Variants in ZC4H2 observed in about 807,000 individuals in gnomAD.
The protein encoded by ZC4H2 is zinc finger C4H2 domain-containing protein.
For missense variants in ZC4H2, 137 were observed against 173.9 expected (o/e 0.79, Z 1.19); for synonymous variants, 84 against 66.3 (o/e 1.27, Z -1.30).
chrX:64,920,649 T>C (rs1355150775), intron 2 of ZC4H2, among the ~76,000 whole-genome samples: 1 of 112,388 alleles, frequency 8.9e-6, no homozygotes, highest in Non-Finnish European at 1.9e-5. Context: ...AAAGGGACTT[T>C]CCTGGGGAAA....
chrX:64,920,085 A>C lies in ZC4H2; in HGVS notation c.394T>G (p.Leu132Val). ...GACTGGGGGCAGGTAGCTTACTCCA[A>C]GGAAAGCTTCTCCTCTTCTTCACAC... ...DLCEEEEKLS[L>V]DYFEKQKAEW... Residue 132 changes from leucine (L) to valine (V), a missense_variant, in exon 3 of 5, where the codon TTG becomes GTG. Physicochemically the swap from Leu to Val is conservative, Grantham distance 32. Coordinates refer to ENST00000374839, the MANE Select transcript of ZC4H2 (RefSeq NM_018684.4). The C allele has an allele frequency of 8.3e-7, 1 of 1,209,435 alleles. No individual in the cohort carries two copies. The highest frequency in any genetic ancestry group is 1.1e-6 in the Non-Finnish European group (1 of 894,670).
At chrX:64,939,879 C>G (rs1930187758) in intron 1 of ZC4H2, among the ~76,000 whole-genome samples, 1 of 111,625 alleles carries the variant, frequency 9.0e-6, no homozygotes, top group Non-Finnish European at 1.9e-5. Flanking sequence ...TGGGCACAGA[C>G]TTCATGTCCA....
At chrX:64,996,007 T>C (rs1932406550) in intron 1 of ZC4H2, among the ~76,000 whole-genome samples, 1 of 111,246 alleles carries the variant, frequency 9.0e-6, no homozygotes, top group African/African-American at 3.3e-5. Flanking sequence ...TATCTGTATA[T>C]GAAATAATTT....
chrX:64,967,170 T>A lies in ZC4H2; in HGVS notation c.53+9155A>T, dbSNP rs1931620705. On this transcript the variant is annotated intron_variant, in intron 1 of 4. Transcript: ENST00000374839. ...GCTTAATGGCTTAATAATAAATAAA[T>A]AAATAAATAATTTGTTGCATTTGAG... 2.7e-5 allele frequency among the ~76,000 whole-genome samples: 3 copies of A among 111,639 alleles called. No homozygotes were observed. The Admixed American group carries it at 2.9e-4, about 11-fold the overall frequency.
At chrX:64,919,921 C>T in intron 3 of ZC4H2, 160 bp downstream of exon 3, 1 of 457,230 alleles carries the variant, frequency 2.2e-6, no homozygotes, top group Non-Finnish European at 3.5e-6. Context: ...CAAGATCACA[C>T]AGTGAGTAAG....
chrX:64,987,442 A>G (rs1416634433), intron 1 of ZC4H2, among the ~76,000 whole-genome samples: 1 of 106,441 alleles, frequency 9.4e-6, no homozygotes, highest in Admixed American at 1.0e-4. Flanking sequence ...ACTCACACAT[A>G]TATGCCAAAC....
At chrX:64,960,146 A>G (rs180982059) in intron 1 of ZC4H2, among the ~76,000 whole-genome samples, 1 of 111,081 alleles carries the variant, frequency 9.0e-6, no homozygotes, top group East Asian at 2.8e-4. Context: ...TAAATATTCT[A>G]GGCTGCAGGG....
At chrX:64,990,533 A>C (rs979738764) in intron 1 of ZC4H2, among the ~76,000 whole-genome samples, 1 of 112,097 alleles carries the variant, frequency 8.9e-6, no homozygotes, top group Non-Finnish European at 1.9e-5. Flanking sequence ...AATTTACATG[A>C]GATCTATCTG....
chrX:65,004,950 G>C (rs913779137), intron 1 of ZC4H2, among the ~76,000 whole-genome samples: 2 of 111,512 alleles, frequency 1.8e-5, no homozygotes, highest in Non-Finnish European at 3.8e-5. Flanking sequence ...GACACACAGA[G>C]AGCCAAATCA....
intron 1 of ZC4H2, among the ~76,000 whole-genome samples, chrX:64,952,154 A>G (rs1393227768): frequency 1.8e-5 from 2 of 110,009 alleles, no homozygotes; most frequent in East Asian, 2.8e-4. Flanking sequence ...TGTTCCATTG[A>G]TCTATATCTC....
At chrX:64,988,618 T>A (rs1307360366) in intron 1 of ZC4H2, among the ~76,000 whole-genome samples, 1 of 110,990 alleles carries the variant, frequency 9.0e-6, no homozygotes, top group African/African-American at 3.3e-5. Flanking sequence ...TCATTGTAGA[T>A]TCTGGATATT....
rs1342031506 is a variant in ZC4H2, at chrX:64,918,932, T to C, written c.561+110A>G. On this transcript the variant is annotated intron_variant, in intron 4 of 4. Coordinates refer to ENST00000374839, the MANE Select transcript of ZC4H2 (RefSeq NM_018684.4). ...TCCACTGTGTCACAAGCAAAGGCCA[T>C]TAAAAGAAGGCCCAGCATAAATAAA... 4.0e-6 allele frequency: 4 copies of C among 997,782 alleles called. No individual in the cohort carries two copies. The East Asian group carries it at 9.8e-5, about 24-fold the overall frequency. The allele number at this position is 997,782 out of a possible 1,213,427, so 82.2% of individuals were successfully genotyped here. A position where few individuals can be genotyped will look rare whatever the true frequency, so the allele number is the denominator to read the frequency against.
At chrX:64,994,273 A>G (rs903092713) in intron 1 of ZC4H2, among the ~76,000 whole-genome samples, 1 of 111,607 alleles carries the variant, frequency 9.0e-6, no homozygotes, top group African/African-American at 3.3e-5. Flanking sequence ...CGGCAGAAAC[A>G]GAGTCACAGA....
chrX:65,017,753 G>A (rs1418990311), intron 1 of ZC4H2, among the ~76,000 whole-genome samples: 1 of 111,757 alleles, frequency 8.9e-6, no homozygotes, highest in Non-Finnish European at 1.9e-5. Context: ...TCAAGTTTCA[G>A]TTCCACACTC....
chrX:65,012,887 G>A (rs868571877), intron 1 of ZC4H2, among the ~76,000 whole-genome samples: 3 of 111,881 alleles, frequency 2.7e-5, no homozygotes, highest in Admixed American at 9.5e-5. Context: ...TAAAGAAAGA[G>A]ATAGAAATTC....
At chrX:65,026,500 G>A (rs970657005) in intron 1 of ZC4H2, among the ~76,000 whole-genome samples, 2 of 110,914 alleles carry the variant, frequency 1.8e-5, no homozygotes, top group African/African-American at 3.3e-5. Flanking sequence ...CACGAGGCAG[G>A]AGATCGAGAC....
intron 1 of ZC4H2, among the ~76,000 whole-genome samples, chrX:64,933,976 T>C (rs761796041): frequency 2.2e-4 from 24 of 111,539 alleles, no homozygotes; most frequent in Non-Finnish European, 3.4e-4. Flanking sequence ...TGAGGTTTTA[T>C]AAGGGTGAAG....
intron 2 of ZC4H2, 31 bp downstream of exon 2, chrX:64,921,786 C>T (rs1409675251): frequency 8.3e-7 from 1 of 1,202,707 alleles, no homozygotes; most frequent in African/African-American, 1.7e-5. Flanking sequence ...TTCTCAAAGG[C>T]TTTAGAGATA....
Position 65,034,216 on chromosome X carries a change from AT to A in ZC4H2, c.-272+412del, listed in dbSNP as rs964433165. 4.5e-5 allele frequency among the ~76,000 whole-genome samples: 5 copies of A among 111,784 alleles called. No homozygotes were observed. The Admixed American group carries it at 4.7e-4, about 11-fold the overall frequency. ...CAGAAGGAAGTGAGATTAGATTTTC[AT>A]TTGATCACTGGTAGAAGTATGAGAA... On this transcript the variant is annotated intron_variant, in intron 1 of 4. Transcript: ENST00000337990.
Sources: allele counts gnomAD v4.1 joint callset (sites outside exome capture counted in the v4.1 genomes callset), GRCh38; gene constraint gnomAD v4.1.1; transcripts MANE v1.5; gene names NCBI Gene and HGNC (gene_info 2026-07-23, HGNC 2026-07-21).